BMPR1B: variants seen among roughly 807,000 people sequenced by gnomAD.
BMPR1B encodes bone morphogenetic protein receptor type-1B.
BMPR1B carries 12 observed loss-of-function variants against 59.1 expected under a neutral mutation model. The observed-to-expected ratio is 0.20, with a 90% CI of 0.13 to 0.33. The LOEUF (loss-of-function observed/expected upper bound fraction) is 0.33, where lower values mean the gene tolerates loss of function less well. Ranked by LOEUF, BMPR1B falls within the 10% of genes least tolerant of loss-of-function variation. BMPR1B has a pLI of 1.00. For missense variants in BMPR1B, 550 were observed against 610.9 expected, an observed-to-expected ratio of 0.90 and a Z score of 1.05; for synonymous variants, 237 against 207.3, an observed-to-expected ratio of 1.14 and a Z score of -1.23.
At chr4:95,096,769 G>GTATAGTTATATATAACTATA (rs1730421227) in intron 3 of BMPR1B, among the ~76,000 whole-genome samples, 2 of 60,590 alleles carry the variant, frequency 3.3e-5, no homozygotes, top group African/African-American at 1.1e-4. Context: ...ATATAACTAT[G>GTATAGTTATATATAACTATA]TATAGTTATA....
rs11930473 is a variant in BMPR1B at position 94,822,807 on chromosome 4, A to G, written c.-182-53024A>G. Among the ~76,000 whole-genome samples the G allele has an allele frequency of 3.2e-3, 487 of 152,282 alleles. 3 individuals carry two copies. Among genetic ancestry groups the G allele is most frequent in the African/African-American group, 0.011 (452 of 41,566 alleles). ...TTTGCCCCTACTTAGTCTCTGAAAT[A>G]GCAAGGTTACCTCATATCTGCCAAG... On this transcript the variant is annotated intron_variant, in intron 1 of 12. Coordinates refer to ENST00000515059, the MANE Select transcript of BMPR1B (RefSeq NM_001203.3).
intron 3 of BMPR1B, among the ~76,000 whole-genome samples, chr4:95,097,949 C>T (rs1478863472): frequency 1.3e-5 from 2 of 151,950 alleles, no homozygotes; most frequent in Non-Finnish European, 2.9e-5. Context: ...CAGTTGTTTT[C>T]AAGGGTTATC....
intron 1 of BMPR1B, among the ~76,000 whole-genome samples, chr4:94,772,025 T>C (rs1026638227): frequency 2.0e-5 from 3 of 152,340 alleles, no homozygotes; most frequent in South Asian, 2.1e-4. Flanking sequence ...AAGAAGAGTT[T>C]CATCTTGTAA....
At chr4:95,035,598 G>C (rs1253856137) in intron 3 of BMPR1B, among the ~76,000 whole-genome samples, 1 of 151,982 alleles carries the variant, frequency 6.6e-6, no homozygotes, top group African/African-American at 2.4e-5. Flanking sequence ...TTAAATATTT[G>C]GCTTTATTTC....
intron 10 of BMPR1B, 129 bp downstream of exon 10, chr4:95,131,641 C>G (rs377410098): frequency 9.2e-7 from 1 of 1,085,638 alleles, no homozygotes; most frequent in Non-Finnish European, 1.3e-6. Flanking sequence ...ACGGGGAGAA[C>G]CACCAAACAT....
intron 1 of BMPR1B, among the ~76,000 whole-genome samples, chr4:94,766,195 C>T (rs917422988): frequency 2.0e-5 from 3 of 152,034 alleles, no homozygotes; most frequent in African/African-American, 7.2e-5. Flanking sequence ...TGACAGTCCC[C>T]AAAAGTGGTA....
At chr4:95,061,773 CA>C (rs1238031429) in intron 3 of BMPR1B, among the ~76,000 whole-genome samples, 1 of 152,022 alleles carries the variant, frequency 6.6e-6, no homozygotes, top group African/African-American at 2.4e-5. Flanking sequence ...TTTAGAAAGC[CA>C]AAACAAGGTC....
intron 1 of BMPR1B, among the ~76,000 whole-genome samples, chr4:94,859,611 A>T (rs540592619): frequency 6.6e-6 from 1 of 152,230 alleles, no homozygotes; most frequent in East Asian, 1.9e-4. Flanking sequence ...TGCATTTTTG[A>T]TTTGTTGAAG....
At chr4:95,019,422 G>T (rs1308994647) in intron 3 of BMPR1B, among the ~76,000 whole-genome samples, 1 of 152,176 alleles carries the variant, frequency 6.6e-6, no homozygotes, top group Admixed American at 6.5e-5. Flanking sequence ...GCTGTGAAAT[G>T]ACTAGATAAA....
In BMPR1B at chr4:94,840,556, G is replaced by T. The variant is rs373797507; in HGVS notation, c.-182-35275G>T. On this transcript the variant is annotated intron_variant, in intron 1 of 12. Coordinates refer to ENST00000515059, the MANE Select transcript of BMPR1B (RefSeq NM_001203.3). ...ACCCTTTCTTCCAGTTGATCGCATC[G>T]GCTCCTGAGGCTTCTGCATTCTTCA... is the stretch of plus-strand genomic sequence containing the variant. 2.1e-5 allele frequency among the ~76,000 whole-genome samples: 3 copies of T among 145,138 alleles called. 1 individual carries two copies. The highest frequency in any genetic ancestry group is 4.6e-5 in the Non-Finnish European group (3 of 65,534).
chr4:94,800,515 C>A (rs1289655861), intron 1 of BMPR1B, among the ~76,000 whole-genome samples: 7 of 148,594 alleles, frequency 4.7e-5, no homozygotes, highest in African/African-American at 1.8e-4. Flanking sequence ...TGTTAAGCAC[C>A]TAATATGAGT....
At chr4:94,796,396 G>A (rs1242626214) in intron 1 of BMPR1B, among the ~76,000 whole-genome samples, 2 of 152,188 alleles carry the variant, frequency 1.3e-5, no homozygotes, top group Non-Finnish European at 2.9e-5. Context: ...AAATCACAGA[G>A]TTGTGACAGA....
intron 3 of BMPR1B, among the ~76,000 whole-genome samples, chr4:95,000,122 T>G (rs181944383): frequency 6.6e-6 from 1 of 152,184 alleles, no homozygotes; most frequent in African/African-American, 2.4e-5. Context: ...GAGTGACTTA[T>G]AGTTTTCTTA....
At chr4:94,989,383 G>A (rs1721597818) in intron 2 of BMPR1B, among the ~76,000 whole-genome samples, 3 of 71,866 alleles carry the variant, frequency 4.2e-5, no homozygotes, top group South Asian at 5.3e-4. Flanking sequence ...GCGAGACTCC[G>A]TCTAAAAAAA....
chr4:94,843,093 A>G (rs1383644037), intron 1 of BMPR1B, among the ~76,000 whole-genome samples: 2 of 152,188 alleles, frequency 1.3e-5, no homozygotes, highest in African/African-American at 4.8e-5. Flanking sequence ...TACTTATATT[A>G]ACTCTGAAAA....
chr4:94,848,998 T>C (rs1320604901), intron 1 of BMPR1B, among the ~76,000 whole-genome samples: 1 of 152,092 alleles, frequency 6.6e-6, no homozygotes, highest in Non-Finnish European at 1.5e-5. Flanking sequence ...CACTGAGATG[T>C]CAATTAAAAT....
chr4:95,069,422 G>A (rs1173376758), intron 3 of BMPR1B, among the ~76,000 whole-genome samples: 1 of 152,146 alleles, frequency 6.6e-6, no homozygotes, highest in Admixed American at 6.5e-5. Flanking sequence ...AATGCCAGGT[G>A]CACTTCTCCT....
At chr4:94,912,784 C>CT (rs1221346860) in intron 2 of BMPR1B, among the ~76,000 whole-genome samples, 2 of 152,044 alleles carry the variant, frequency 1.3e-5, no homozygotes, top group East Asian at 3.9e-4. Context: ...AGGGAGGGCA[C>CT]TTTTCTCTCT....
chr4:95,089,531 C>T (rs1044186477), intron 3 of BMPR1B, among the ~76,000 whole-genome samples: 4 of 152,050 alleles, frequency 2.6e-5, no homozygotes, highest in Non-Finnish European at 2.9e-5. Context: ...CTGAGGTATA[C>T]TGGGTGTTAT....
Sources: allele counts gnomAD v4.1 joint callset (sites outside exome capture counted in the v4.1 genomes callset), GRCh38; gene constraint gnomAD v4.1.1; transcripts MANE v1.5; gene names NCBI Gene and HGNC (gene_info 2026-07-23, HGNC 2026-07-21).